BRD10: variants seen among roughly 807,000 people sequenced by gnomAD.
The protein encoded by BRD10 is bromodomain containing 10.
At chr9:5,929,983 C>A in the BRD10 span, among the ~76,000 whole-genome samples, 10 of 152,108 alleles carry the variant, frequency 6.6e-5, no homozygotes, top group Admixed American at 3.3e-4. Context: ...CTGACACAGG[C>A]TATAGAAACC....
At chr9:6,007,443 C>T in the BRD10 span, 22 of 1,607,180 alleles carry the variant, frequency 1.4e-5, no homozygotes, top group Middle Eastern at 1.6e-4. Flanking sequence ...GCCCTTCCGC[C>T]ACCTCCTCCT....
At chr9:5,924,934 G>A in the BRD10 span, 1 of 949,758 alleles carries the variant, frequency 1.1e-6, no homozygotes, top group Non-Finnish European at 1.4e-6. Context: ...AACTACATAT[G>A]GAAATATTTT....
At chr9:5,945,169 T>C in the BRD10 span, among the ~76,000 whole-genome samples, 1 of 152,120 alleles carries the variant, frequency 6.6e-6, no homozygotes, top group Non-Finnish European at 1.5e-5. Flanking sequence ...GAAGCTGAAA[T>C]TTCAACATTG....
At chr9:5,925,296 T>C in the BRD10 span, among the ~76,000 whole-genome samples, 5 of 149,950 alleles carry the variant, frequency 3.3e-5, no homozygotes, top group South Asian at 1.0e-3. Flanking sequence ...GAGGTGGAGG[T>C]TGCAGTGAGC....
chr9:5,985,872 A>T, the BRD10 span, among the ~76,000 whole-genome samples: 2 of 152,190 alleles, frequency 1.3e-5, no homozygotes, highest in Non-Finnish European at 2.9e-5. Flanking sequence ...AAGATGGGGT[A>T]TCTTCTATAA....
At chr9:5,907,349 T>C in the BRD10 span, among the ~76,000 whole-genome samples, 1 of 152,166 alleles carries the variant, frequency 6.6e-6, no homozygotes, top group African/African-American at 2.4e-5. Context: ...TTTTAATGGA[T>C]GCAGATATAT....
chr9:5,921,570 C>G, the BRD10 span: 2 of 1,613,864 alleles, frequency 1.2e-6, no homozygotes, highest in Non-Finnish European at 8.5e-7. Context: ...GGAGCTGATA[C>G]CAGCATAAGT....
the BRD10 span, among the ~76,000 whole-genome samples, chr9:6,004,592 A>C: frequency 3.2e-4 from 49 of 152,230 alleles, no homozygotes; most frequent in Non-Finnish European, 2.9e-4. Context: ...AAGTTCCTTT[A>C]GTGTCTTACA....
chr9:6,007,925 G>T, the BRD10 span: 1 of 1,332,768 alleles, frequency 7.5e-7, no homozygotes, highest in South Asian at 2.0e-5. Context: ...CTCAGCCGCC[G>T]GCTCGGCTCG....
chr9:5,982,467 T>C, the BRD10 span, among the ~76,000 whole-genome samples: 1 of 152,290 alleles, frequency 6.6e-6, no homozygotes, highest in African/African-American at 2.4e-5. Context: ...TCATGAGGGT[T>C]CTGCCCAAAT....
the BRD10 span, chr9:6,007,159 A>C: frequency 1.9e-6 from 3 of 1,587,034 alleles, no homozygotes; most frequent in Non-Finnish European, 2.6e-6. Flanking sequence ...TGTTTGTGTC[A>C]GTCTGTCAGT....
At chr9:5,980,963 C>A in the BRD10 span, among the ~76,000 whole-genome samples, 1 of 152,170 alleles carries the variant, frequency 6.6e-6, no homozygotes, top group Admixed American at 6.5e-5. Flanking sequence ...AAACACCTTC[C>A]TCTTCTAACA....
chr9:5,885,555 TAG>T, the BRD10 span, among the ~76,000 whole-genome samples: 1 of 152,128 alleles, frequency 6.6e-6, no homozygotes, highest in Admixed American at 6.5e-5. Flanking sequence ...GTATTTTTAG[TAG>T]AGACGGGTTT....
chr9:5,908,135 T>C, the BRD10 span, among the ~76,000 whole-genome samples: 1 of 152,134 alleles, frequency 6.6e-6, no homozygotes, highest in South Asian at 2.1e-4. Flanking sequence ...CGAGTTAACC[T>C]CTCTGTGCCC....
At chr9:6,007,079 C>G in the BRD10 span, 2 of 1,059,268 alleles carry the variant, frequency 1.9e-6, no homozygotes, top group Non-Finnish European at 2.8e-6. Flanking sequence ...TTCTCCAGCA[C>G]CGACTCAGCA....
the BRD10 span, among the ~76,000 whole-genome samples, chr9:5,925,041 A>T: frequency 6.6e-6 from 1 of 152,210 alleles, no homozygotes. Flanking sequence ...TGGTATAGGC[A>T]TAAGAAACTT....
At chr9:5,967,401 A>T in the BRD10 span, among the ~76,000 whole-genome samples, 2,032 of 152,330 alleles carry the variant, frequency 0.013, 16 homozygotes, top group Non-Finnish European at 0.02. Flanking sequence ...GGCTGTTGAC[A>T]AATATATAGG....
At chr9:5,957,977 T>C in the BRD10 span, among the ~76,000 whole-genome samples, 1 of 152,142 alleles carries the variant, frequency 6.6e-6, no homozygotes, top group African/African-American at 2.4e-5. Context: ...CCTAAGTTAC[T>C]TGGTCATATA....
the BRD10 span, among the ~76,000 whole-genome samples, chr9:5,943,837 GAT>G: frequency 4.6e-5 from 7 of 152,142 alleles, no homozygotes; most frequent in African/African-American, 1.7e-4. Flanking sequence ...AAATTACCAT[GAT>G]ACTCTCAGGG....
Sources: allele counts gnomAD v4.1 joint callset (sites outside exome capture counted in the v4.1 genomes callset), GRCh38; gene constraint gnomAD v4.1.1; transcripts MANE v1.5; gene names NCBI Gene and HGNC (gene_info 2026-07-23, HGNC 2026-07-21).